Variants in GON4L observed in about 807,000 individuals in gnomAD.
GON4L encodes the protein gon-4 like.
GON4L carries 87 observed loss-of-function variants against 211.8 expected under a neutral mutation model. That is an observed-to-expected ratio of 0.41 (90% CI 0.35 to 0.49). The LOEUF (loss-of-function observed/expected upper bound fraction) is 0.49. Among genes scored for constraint, GON4L ranks in the 20% least tolerant of loss-of-function variants. GON4L has a pLI of 0.15. For missense variants in GON4L, 2,155 were observed against 2,659.5 expected (o/e 0.81, Z 4.17); for synonymous variants, 875 against 962.6 (o/e 0.91, Z 1.68).
At chr1:155,827,103 T>C (rs1011204045) in intron 2 of GON4L, 75 bp from the exon 3 acceptor site, 2 of 1,117,852 alleles carry the variant, frequency 1.8e-6, no homozygotes, top group Non-Finnish European at 2.7e-6. Flanking sequence ...TAGCATCTTA[T>C]TATAGTGTTT....
At chr1:155,834,971 G>A (rs1338786242) in intron 2 of GON4L, among the ~76,000 whole-genome samples, 1 of 152,148 alleles carries the variant, frequency 6.6e-6, no homozygotes. Flanking sequence ...CCCCGTCTGG[G>A]AGGTGTACCC....
intron 2 of GON4L, among the ~76,000 whole-genome samples, chr1:155,850,926 G>A (rs1036772939): frequency 2.0e-5 from 3 of 151,352 alleles, no homozygotes; most frequent in South Asian, 2.1e-4. Flanking sequence ...GCGTGGCAGC[G>A]TGTGCCTGTA....
At position 155,762,333 on chromosome 1, in the gene GON4L, G is replaced by A. The variant is rs376908506; in HGVS notation, c.4768C>T (p.Arg1590Ter). ...CGACTTCCCCGCTTGTTGCGAGCTC[G>A]ATGATTGTTCCGGCCTTTTCCAGCA... Reference protein sequence around the residue: ...KAAGKGRNNHRARNKRGSRAR... With the variant: ...KAAGKGRNNH Residue 1590 changes from arginine to a stop codon, truncating the protein, a stop_gained, in exon 23 of 32, where the codon CGA (arginine) becomes TGA (stop). Coordinates refer to ENST00000368331, the MANE Select transcript of GON4L (RefSeq NM_001282860.2). LOFTEE classifies it high-confidence loss of function. 1 of 1,613,512 alleles carries A rather than the reference G, an allele frequency of 6.2e-7. No homozygotes were observed. Among genetic ancestry groups the A allele is most frequent in the Admixed American group, 1.7e-5 (1 of 60,002 alleles).
At chr1:155,828,043 A>G (rs1669380762) in intron 2 of GON4L, among the ~76,000 whole-genome samples, 1 of 151,946 alleles carries the variant, frequency 6.6e-6, no homozygotes, top group Non-Finnish European at 1.5e-5. Context: ...CTGTGGTCCC[A>G]GCTACTTAGG....
At chr1:155,789,917 T>C (rs1270282637) in intron 12 of GON4L, among the ~76,000 whole-genome samples, 4 of 152,282 alleles carry the variant, frequency 2.6e-5, no homozygotes, top group South Asian at 2.1e-4. Flanking sequence ...ATGTAAATGC[T>C]TGTTATACCT....
Position 155,766,608 on chromosome 1 carries a change from G to C in GON4L, c.2865C>G (p.Ser955Arg). Residue 955 changes from serine to arginine, a missense_variant, in exon 21 of 32, where the codon AGC becomes AGG. By Grantham distance (110) the Ser-to-Arg change is moderately radical. Coordinates refer to ENST00000368331, the MANE Select transcript of GON4L (RefSeq NM_001282860.2). ...TGTTEINSDR[S>R]LEKDNLELGS... is the part of the protein sequence containing the mutation. ...CCAACTCCAAATTGTCTTTTTCTAG[G>C]CTTCGATCTGAGTTGATCTCAGTGG... 12 of 1,614,076 alleles carry C rather than the reference G, an allele frequency of 7.4e-6. No homozygotes were observed. The highest frequency in any genetic ancestry group is 1.0e-5 in the Non-Finnish European group (12 of 1,180,036).
intron 3 of GON4L, among the ~76,000 whole-genome samples, chr1:155,823,637 A>G (rs950836591): frequency 7.2e-5 from 11 of 152,182 alleles, no homozygotes; most frequent in African/African-American, 1.2e-4. Flanking sequence ...GCTCACACCT[A>G]TAATTCCAGC....
chr1:155,773,371 A>G (rs1663411639), intron 17 of GON4L, 161 bp from the exon 18 acceptor site: 2 of 715,130 alleles, frequency 2.8e-6, no homozygotes, highest in South Asian at 3.7e-5. Context: ...GTCTTTCTTA[A>G]GCTAACATTA....
At chr1:155,841,702 G>A (rs1381790738) in intron 2 of GON4L, among the ~76,000 whole-genome samples, 1 of 152,170 alleles carries the variant, frequency 6.6e-6, no homozygotes, top group Non-Finnish European at 1.5e-5. Context: ...CTCAGCATTG[G>A]TATGGAACAA....
At chr1:155,835,045 G>A (rs975972946) in intron 2 of GON4L, among the ~76,000 whole-genome samples, 1 of 152,204 alleles carries the variant, frequency 6.6e-6, no homozygotes, top group African/African-American at 2.4e-5. Flanking sequence ...AGGGGGGAAA[G>A]GTGGGGAAAA....
At chr1:155,782,388 C>T (rs1664507860) in intron 14 of GON4L, among the ~76,000 whole-genome samples, 1 of 152,140 alleles carries the variant, frequency 6.6e-6, no homozygotes, top group Non-Finnish European at 1.5e-5. Context: ...ATGTACTTAC[C>T]ATTGTGTTAC....
intron 2 of GON4L, chr1:155,845,425 C>T: frequency 2.9e-6 from 1 of 344,642 alleles, no homozygotes; most frequent in Non-Finnish European, 5.8e-6. Context: ...AGGTACTGCT[C>T]AATGTGGTGG....
chr1:155,779,378 A>G (rs1034025936), intron 14 of GON4L, among the ~76,000 whole-genome samples: 1 of 151,340 alleles, frequency 6.6e-6, no homozygotes, highest in Non-Finnish European at 1.5e-5. Context: ...ATGCAGTGGC[A>G]TGATCTCGGC....
At chr1:155,834,729 C>A (rs1236379301) in intron 2 of GON4L, among the ~76,000 whole-genome samples, 2 of 152,172 alleles carry the variant, frequency 1.3e-5, no homozygotes, top group African/African-American at 2.4e-5. Flanking sequence ...CCATGGCAAC[C>A]CCCAGATGTT....
chr1:155,790,897 T>C (rs1665481299), intron 12 of GON4L, among the ~76,000 whole-genome samples: 1 of 150,364 alleles, frequency 6.7e-6, no homozygotes, highest in South Asian at 2.1e-4. Context: ...TGAGCTGAGA[T>C]GGCGCCACGG....
chr1:155,794,327 C>T (rs1327220451), intron 12 of GON4L, among the ~76,000 whole-genome samples: 1 of 152,188 alleles, frequency 6.6e-6, no homozygotes, highest in African/African-American at 2.4e-5. Context: ...CTGCCTCCAC[C>T]TCCCAAAGTG....
intron 6 of GON4L, among the ~76,000 whole-genome samples, chr1:155,816,779 A>T (rs1668285675): frequency 6.7e-6 from 1 of 149,568 alleles, no homozygotes; most frequent in Non-Finnish European, 1.5e-5. Flanking sequence ...TTCTTAAAAA[A>T]AAAAAAAAAA....
At chr1:155,814,542 A>C in intron 8 of GON4L, 93 bp from the exon 9 acceptor site, 2 of 1,317,842 alleles carry the variant, frequency 1.5e-6, no homozygotes, top group South Asian at 1.2e-5. Flanking sequence ...ATAAAATATC[A>C]ATCACTCAGC....
chr1:155,763,257 C>T, intron 22 of GON4L, 55 bp downstream of exon 22: 1 of 1,577,020 alleles, frequency 6.3e-7, no homozygotes, highest in Non-Finnish European at 8.7e-7. Context: ...ACACTGTCCT[C>T]TAGACAATGA....
Sources: allele counts gnomAD v4.1 joint callset (sites outside exome capture counted in the v4.1 genomes callset), GRCh38; gene constraint gnomAD v4.1.1; transcripts MANE v1.5; gene names NCBI Gene and HGNC (gene_info 2026-07-23, HGNC 2026-07-21).